The following CDH13 variants were observed in gnomAD, a reference collection of about 807,000 sequenced individuals.
CDH13 encodes the protein cadherin-13.
A neutral mutation model predicts 63.8 loss-of-function variants in CDH13; 24 were observed. That is an observed-to-expected ratio of 0.38 (90% CI 0.27 to 0.53). CDH13 has a LOEUF of 0.53. Among genes scored for constraint, CDH13 ranks in the 20% least tolerant of loss-of-function variants. The probability of loss-of-function intolerance (pLI) is 0.85; values close to 1 mark genes in which losing one functional copy is unlikely to be tolerated. For synonymous variants in CDH13, 503 were observed against 355.3 expected, an observed-to-expected ratio of 1.42 and a Z score of -4.67; for missense variants, 1,049 against 903.1, an observed-to-expected ratio of 1.16 and a Z score of -2.07.
chr16:83,559,645 G>T (rs972214661), intron 7 of CDH13, among the ~76,000 whole-genome samples: 2 of 151,900 alleles, frequency 1.3e-5, no homozygotes, highest in Non-Finnish European at 2.9e-5. Context: ...GAGAGAGGGA[G>T]GGAGGGAGCG....
intron 1 of CDH13, among the ~76,000 whole-genome samples, chr16:82,714,141 C>T (rs928365603): frequency 6.6e-6 from 1 of 152,116 alleles, no homozygotes; most frequent in African/African-American, 2.4e-5. Context: ...GGTCATTTCT[C>T]CCAGCAGCCA....
chr16:83,055,523 T>C (rs2030832153), intron 3 of CDH13, among the ~76,000 whole-genome samples: 1 of 151,734 alleles, frequency 6.6e-6, no homozygotes, highest in African/African-American at 2.4e-5. Flanking sequence ...GCAAATTCTG[T>C]AAAATAAATA....
At chr16:83,395,947 C>T (rs2091879160) in intron 6 of CDH13, among the ~76,000 whole-genome samples, 1 of 152,166 alleles carries the variant, frequency 6.6e-6, no homozygotes, top group Non-Finnish European at 1.5e-5. Flanking sequence ...GATCCTCTCC[C>T]TCCTCCCATC....
At chr16:82,690,402 A>G (rs896559188) in intron 1 of CDH13, among the ~76,000 whole-genome samples, 4 of 152,154 alleles carry the variant, frequency 2.6e-5, no homozygotes, top group African/African-American at 9.7e-5. Flanking sequence ...AAAAATAACA[A>G]AAAATTAATA....
At chr16:83,588,895 C>G (rs896518483) in intron 7 of CDH13, among the ~76,000 whole-genome samples, 4 of 152,206 alleles carry the variant, frequency 2.6e-5, no homozygotes, top group Non-Finnish European at 5.9e-5. Flanking sequence ...AGCCAGGAGG[C>G]TGCTGGGCGT....
chr16:83,158,441 G>A (rs1156279937), intron 4 of CDH13, among the ~76,000 whole-genome samples: 1 of 152,150 alleles, frequency 6.6e-6, no homozygotes, highest in Non-Finnish European at 1.5e-5. Flanking sequence ...CCCGGTGGAG[G>A]CTGCCCTTCC....
At position 83,670,858 on chromosome 16, in the gene CDH13, C is replaced by A. The variant is rs2150856766; in HGVS notation, c.1170C>A (p.Asp390Glu). 1 of 1,613,840 alleles carries A rather than the reference C, an allele frequency of 6.2e-7. No homozygotes were observed. The highest frequency in any genetic ancestry group is 8.5e-7 in the Non-Finnish European group (1 of 1,179,788). Residue 390 changes from aspartate to glutamate, a missense_variant, in exon 9 of 14, where the codon GAC becomes GAA. Coordinates refer to ENST00000567109, the MANE Select transcript of CDH13 (RefSeq NM_001257.5). ...ATTTGACAGTTGAAGATAAGGATGA[C>A]CCCACCACAGGTGCATGGAGGGCTG... Reference protein sequence around the residue: ...IVNLTVEDKDDPTTGAWRAAY... With the variant: ...IVNLTVEDKDEPTTGAWRAAY...
chr16:82,781,694 C>G (rs1267452242), intron 1 of CDH13, among the ~76,000 whole-genome samples: 1 of 152,212 alleles, frequency 6.6e-6, no homozygotes, highest in Admixed American at 6.5e-5. Context: ...CCACTTACCT[C>G]CCCTCTCATC....
At chr16:83,566,668 G>T (rs1348176957) in intron 7 of CDH13, among the ~76,000 whole-genome samples, 1 of 152,132 alleles carries the variant, frequency 6.6e-6, no homozygotes, top group Admixed American at 6.5e-5. Flanking sequence ...GGAGGTTCTG[G>T]TCACTCTCAG....
At chr16:83,007,151 A>G (rs1021987530) in intron 2 of CDH13, among the ~76,000 whole-genome samples, 1 of 151,938 alleles carries the variant, frequency 6.6e-6, no homozygotes, top group Non-Finnish European at 1.5e-5. Flanking sequence ...TGAACTCTCG[A>G]CCTAAGGTGA....
chr16:83,603,703 A>G (rs1039779766), intron 8 of CDH13, among the ~76,000 whole-genome samples: 10 of 152,126 alleles, frequency 6.6e-5, no homozygotes, highest in Non-Finnish European at 1.3e-4. Flanking sequence ...AGACAGATGG[A>G]TCCTCTCAAC....
At chr16:83,599,927 G>C (rs896778602) in intron 7 of CDH13, among the ~76,000 whole-genome samples, 6 of 152,174 alleles carry the variant, frequency 3.9e-5, no homozygotes, top group African/African-American at 1.4e-4. Flanking sequence ...TTTAAAGGTA[G>C]CCAATTTACT....
At chr16:83,145,626 C>T (rs367952380) in intron 4 of CDH13, among the ~76,000 whole-genome samples, 4,607 of 152,268 alleles carry the variant, frequency 0.03, 102 homozygotes, top group Non-Finnish European at 0.044. Flanking sequence ...TTCATTTTTT[C>T]TTTGAAGAAC....
At chr16:83,225,533 T>C (rs575178063) in intron 5 of CDH13, among the ~76,000 whole-genome samples, 5 of 152,316 alleles carry the variant, frequency 3.3e-5, no homozygotes, top group Non-Finnish European at 2.9e-5. Context: ...CCTCAGAAGA[T>C]TGGAGTTGGA....
intron 7 of CDH13, among the ~76,000 whole-genome samples, chr16:83,512,649 C>A (rs988355429): frequency 1.3e-5 from 2 of 148,364 alleles, no homozygotes; most frequent in Admixed American, 6.7e-5. Context: ...GCCTTGGCAA[C>A]AGAGTGAGAC....
chr16:83,466,003 C>T (rs1367506519), intron 6 of CDH13, among the ~76,000 whole-genome samples: 1 of 152,144 alleles, frequency 6.6e-6, no homozygotes, highest in Admixed American at 6.5e-5. Context: ...TTCTGCTTTT[C>T]ACAGCAGGTG....
At chr16:82,951,057 C>T (rs1439170595) in intron 2 of CDH13, among the ~76,000 whole-genome samples, 2 of 152,074 alleles carry the variant, frequency 1.3e-5, no homozygotes, top group Admixed American at 6.5e-5. Flanking sequence ...CCAGTTGAGC[C>T]CAGATACCTT....
rs932345458 is a variant in CDH13 at position 83,183,101 on chromosome 16, A to G, written c.484-34244A>G. Among the ~76,000 whole-genome samples the G allele has an allele frequency of 3.3e-5, 5 of 152,326 alleles. No homozygotes were observed. In the South Asian group the frequency reaches 6.2e-4, roughly 19 times the overall value. ...CTTTTTATTATTATAAACAGACTTT[A>G]TCTTAAGAGTCGGAAGAAACATTTA... On this transcript the variant is annotated intron_variant, in intron 4 of 13. Coordinates refer to ENST00000567109, the MANE Select transcript of CDH13 (RefSeq NM_001257.5).
At chr16:83,738,691 A>G (rs1010128878) in intron 10 of CDH13, among the ~76,000 whole-genome samples, 4 of 152,204 alleles carry the variant, frequency 2.6e-5, no homozygotes, top group Non-Finnish European at 5.9e-5. Context: ...GTGGATCACA[A>G]GGTCAGGAGT....
Sources: gnomAD v4.1 joint callset for allele counts (sites outside exome capture counted in the v4.1 genomes callset) on GRCh38, gnomAD v4.1.1 for gene constraint, MANE v1.5 for transcripts, NCBI Gene and HGNC (gene_info 2026-07-23, HGNC 2026-07-21) for gene names.